Variants in CEPT1 observed in about 807,000 individuals in gnomAD.
The protein encoded by CEPT1 is choline/ethanolaminephosphotransferase 1.
A neutral mutation model predicts 42.6 loss-of-function variants in CEPT1; 7 were observed. That is an observed-to-expected ratio of 0.16 (90% CI 0.09 to 0.31). CEPT1 has a LOEUF of 0.31. Among genes scored for constraint, CEPT1 ranks in the 10% least tolerant of loss-of-function variants. The probability of loss-of-function intolerance (pLI) is 1.00; values close to 1 mark genes in which losing one functional copy is unlikely to be tolerated. For synonymous variants in CEPT1, 171 were observed against 171.9 expected (o/e 0.99, Z 0.04); for missense variants, 306 against 502.1 (o/e 0.61, Z 3.73).
chr1:111,146,489 A>C (rs1042437381), intron 1 of CEPT1, among the ~76,000 whole-genome samples: 21 of 152,168 alleles, frequency 1.4e-4, no homozygotes, highest in Admixed American at 1.2e-3. Flanking sequence ...TCTAATTCTT[A>C]AGTACTTTCT....
chr1:111,177,667 TC>T (rs1656750982), intron 5 of CEPT1, among the ~76,000 whole-genome samples: 1 of 152,252 alleles, frequency 6.6e-6, no homozygotes, highest in Non-Finnish European at 1.5e-5. Context: ...TATAATTTTT[TC>T]TTTTATAAAG....
chr1:111,147,347 C>G (rs1226697121), intron 1 of CEPT1, among the ~76,000 whole-genome samples: 3 of 152,158 alleles, frequency 2.0e-5, no homozygotes, highest in African/African-American at 7.2e-5. Context: ...CATTATACAA[C>G]TGAAAGCAGT....
At chr1:111,141,295 T>G (rs1654531847) in intron 1 of CEPT1, among the ~76,000 whole-genome samples, 1 of 152,250 alleles carries the variant, frequency 6.6e-6, no homozygotes, top group South Asian at 2.1e-4. Flanking sequence ...GCCATTCACA[T>G]AAAATTCGAG....
intron 1 of CEPT1, among the ~76,000 whole-genome samples, chr1:111,142,955 A>G (rs1654740700): frequency 6.6e-6 from 1 of 152,242 alleles, no homozygotes; most frequent in Non-Finnish European, 1.5e-5. Context: ...CTTTGACAGT[A>G]TTATTATGAA....
intron 1 of CEPT1, among the ~76,000 whole-genome samples, chr1:111,145,060 G>T (rs981682178): frequency 2.0e-5 from 3 of 151,742 alleles, no homozygotes; most frequent in South Asian, 2.1e-4. Flanking sequence ...TTGTCACTCA[G>T]GCTGGAATGC....
intron 5 of CEPT1, among the ~76,000 whole-genome samples, chr1:111,176,570 A>G (rs1179460716): frequency 6.6e-6 from 1 of 152,180 alleles, no homozygotes; most frequent in East Asian, 1.9e-4. Flanking sequence ...TTTGGTTTAT[A>G]CAGGTTAAGT....
At chr1:111,167,461 C>A in intron 4 of CEPT1, 1 of 861,008 alleles carries the variant, frequency 1.2e-6, no homozygotes, top group Non-Finnish European at 1.4e-6. Flanking sequence ...TATTTTTATT[C>A]TATGTACTAT....
In CEPT1 at chr1:111,147,979, A is replaced by G. The variant is rs149035439; in HGVS notation, c.265A>G (p.Thr89Ala). ...CTCCTGGATTGCCCCAAATCTCATCACCATCATTGGACTGTCAATAAACAT... is the reference window on the plus strand; with the variant it reads ...CTCCTGGATTGCCCCAAATCTCATCGCCATCATTGGACTGTCAATAAACAT... ...VPSWIAPNLI[T>A]IIGLSINICT... The change falls in exon 2 of 9, where the codon ACC (threonine) becomes GCC (alanine). Residue 89 changes from threonine to alanine, a missense_variant. By Grantham distance (58) the Thr-to-Ala change is moderately conservative. Coordinates refer to ENST00000357172, the MANE Select transcript of CEPT1 (RefSeq NM_006090.5). 1 of 1,614,114 alleles carries G rather than the reference A, an allele frequency of 6.2e-7. No individual in the cohort carries two copies. Among genetic ancestry groups the G allele is most frequent in the Non-Finnish European group, 8.5e-7 (1 of 1,180,016 alleles).
rs1185046862 is a variant in CEPT1 at position 111,159,396 on chromosome 1, A to G, written c.356A>G (p.Tyr119Cys). Residue 119 changes from tyrosine to cysteine, a missense_variant, in exon 3 of 9, where the codon TAT becomes TGT. By Grantham distance (194) the Tyr-to-Cys change is radical. Around this residue, in one of 2 missense-constraint regions of CEPT1, gnomAD observed 253 missense variants for 447.3 expected, o/e 0.57. Coordinates refer to ENST00000357172, the MANE Select transcript of CEPT1 (RefSeq NM_006090.5). ...ATTTCACAGGCACCTCTGTGGGCAT[A>G]TATTGCTTGTGCCTGTGGCCTTTTC... ...TATEQAPLWA[Y>C]IACACGLFIY... 6.2e-7 allele frequency: 1 copy of G among 1,612,342 alleles called. No individual in the cohort carries two copies. The highest frequency in any genetic ancestry group is 8.5e-7 in the Non-Finnish European group (1 of 1,179,522).
intron 4 of CEPT1, among the ~76,000 whole-genome samples, chr1:111,164,804 T>C (rs1339285290): frequency 1.3e-5 from 2 of 151,932 alleles, no homozygotes; most frequent in African/African-American, 4.8e-5. Flanking sequence ...TTTGCATTTT[T>C]AGTAGAGATG....
At chr1:111,182,481 C>T (rs1657038740) in intron 6 of CEPT1, 163 bp downstream of exon 6, 1 of 721,000 alleles carries the variant, frequency 1.4e-6, no homozygotes, top group African/African-American at 1.8e-5. Context: ...ATATACTTAC[C>T]CACATTTATA....
chr1:111,159,215 T>C (rs1014768709), intron 2 of CEPT1, among the ~76,000 whole-genome samples, 165 bp from the exon 3 acceptor site: 2 of 152,212 alleles, frequency 1.3e-5, no homozygotes, highest in African/African-American at 4.8e-5. Context: ...GCGCCCGGCA[T>C]TCTTTTACAA....
chr1:111,182,784 C>T lies in CEPT1; in HGVS notation c.847-15C>T, dbSNP rs771600732. ...AGTACTGAATACTATTAACTCTTCT[C>T]TTCACTCTGTACAGGGAACAAGTGT... On this transcript the variant is annotated splice_polypyrimidine_tract_variant and intron_variant, in intron 6 of 8. Transcript: ENST00000357172. 2.5e-6 allele frequency: 4 copies of T among 1,603,982 alleles called. No individual in the cohort carries two copies. The highest frequency in any genetic ancestry group is 3.4e-6 in the Non-Finnish European group (4 of 1,173,850).
At chr1:111,182,690 C>T (rs916833561) in intron 6 of CEPT1, 109 bp from the exon 7 acceptor site, 11 of 973,866 alleles carry the variant, frequency 1.1e-5, no homozygotes, top group African/African-American at 1.7e-5. Flanking sequence ...CTATCAGGCA[C>T]CATGAGGTTC....
In CEPT1 at chr1:111,163,939, CTTAT is replaced by C. The variant is rs531731566; in HGVS notation, c.629+2650_629+2653del. ...CTTAGGAATCTTATTTTTAAACATG[CTTAT>C]TTATTTGAATTGTTTTATTTTGATG... On this transcript the variant is annotated intron_variant, in intron 4 of 8. Transcript: ENST00000357172. 1.2e-4 allele frequency among the ~76,000 whole-genome samples: 19 copies of C among 152,092 alleles called. No individual in the cohort carries two copies. In the South Asian group the frequency reaches 2.5e-3, roughly 20 times the overall value.
intron 4 of CEPT1, among the ~76,000 whole-genome samples, chr1:111,168,337 A>G (rs977535130): frequency 3.9e-5 from 6 of 152,210 alleles, no homozygotes; most frequent in Non-Finnish European, 7.4e-5. Flanking sequence ...GAACTGTTCA[A>G]ATGAAAACCT....
intron 2 of CEPT1, among the ~76,000 whole-genome samples, chr1:111,149,280 T>TTTTTTTTTTTTTTTG (rs1246054998): frequency 6.6e-6 from 1 of 151,412 alleles, no homozygotes. Context: ...TTTTTTTTTT[T>TTTTTTTTTTTTTTTG]GAGACAGGGT....
chr1:111,152,211 C>T (rs1655314767), intron 2 of CEPT1, among the ~76,000 whole-genome samples: 1 of 152,006 alleles, frequency 6.6e-6, no homozygotes, highest in Non-Finnish European at 1.5e-5. Context: ...TGATTCACCT[C>T]ACTAAAAAAT....
intron 1 of CEPT1, among the ~76,000 whole-genome samples, chr1:111,146,259 C>A (rs1355039564): frequency 1.3e-5 from 2 of 152,006 alleles, no homozygotes; most frequent in East Asian, 1.9e-4. Context: ...CTCACTCTTA[C>A]CAAAACTCCA....
Sources: gnomAD v4.1 joint callset for allele counts (sites outside exome capture counted in the v4.1 genomes callset) on GRCh38, gnomAD v4.1.1 for gene constraint, gnomAD v4.1.1 regional missense constraint, MANE v1.5 for transcripts, NCBI Gene and HGNC (gene_info 2026-07-23, HGNC 2026-07-21) for gene names.